Variants in FOXP1 observed in about 807,000 individuals in gnomAD.
FOXP1 encodes forkhead box P1.
FOXP1 carries 15 observed loss-of-function variants against 98.2 expected under a neutral mutation model. The ratio of observed to expected loss-of-function variants is 0.15; its 90% CI spans 0.10 to 0.24. FOXP1 has a LOEUF of 0.24. FOXP1 is among the 10% of genes least tolerant of loss of function. The pLI is 1.00. For missense variants in FOXP1, 633 were observed against 848.5 expected, an observed-to-expected ratio of 0.75 and a Z score of 3.15; for synonymous variants, 371 against 314.5, an observed-to-expected ratio of 1.18 and a Z score of -1.90.
intron 3 of FOXP1, among the ~76,000 whole-genome samples, chr3:71,390,034 T>C (rs1336009514): frequency 6.6e-6 from 1 of 152,184 alleles, no homozygotes; most frequent in Non-Finnish European, 1.5e-5. Flanking sequence ...CTATTTGCTT[T>C]CACACCCAAG....
At chr3:71,452,762 T>C (rs935542721) in intron 3 of FOXP1, among the ~76,000 whole-genome samples, 5 of 152,334 alleles carry the variant, frequency 3.3e-5, no homozygotes, top group Non-Finnish European at 5.9e-5. Context: ...CAAAATCAGC[T>C]GGTGTTCCCA....
At chr3:71,420,048 A>T (rs1328100971) in intron 3 of FOXP1, among the ~76,000 whole-genome samples, 1 of 151,836 alleles carries the variant, frequency 6.6e-6, no homozygotes, top group African/African-American at 2.4e-5. Context: ...AACTCCTGAG[A>T]TCTGCCCACC....
intron 6 of FOXP1, among the ~76,000 whole-genome samples, chr3:71,183,126 C>A (rs1266435850): frequency 6.6e-6 from 1 of 152,082 alleles, no homozygotes; most frequent in East Asian, 1.9e-4. Flanking sequence ...AATCTTTCTG[C>A]ATGCCTCACA....
chr3:71,067,731 T>TACACACAC (rs6147878), intron 7 of FOXP1, among the ~76,000 whole-genome samples: 13,190 of 126,464 alleles, frequency 0.1, 893 homozygotes, highest in East Asian at 0.26. Flanking sequence ...TCTCCAAAAA[T>TACACACAC]ACACACACAC....
At chr3:71,324,388 T>C (rs1193581826) in intron 4 of FOXP1, among the ~76,000 whole-genome samples, 1 of 152,164 alleles carries the variant, frequency 6.6e-6, no homozygotes, top group African/African-American at 2.4e-5. Flanking sequence ...AATGATAGAC[T>C]GGATTAAGAA....
At chr3:70,961,226 T>TTTTA (rs767939984) in intron 20 of FOXP1, among the ~76,000 whole-genome samples, 60 of 151,560 alleles carry the variant, frequency 4.0e-4, no homozygotes, top group Admixed American at 1.8e-3. Context: ...TCTCCAGCTA[T>TTTTA]TTTATTTATT....
chr3:71,140,707 A>G (rs1161864371), intron 6 of FOXP1, among the ~76,000 whole-genome samples: 1 of 152,214 alleles, frequency 6.6e-6, no homozygotes, highest in African/African-American at 2.4e-5. Context: ...ACAGCTTCTA[A>G]GTAGGTATCC....
At chr3:71,444,112 T>C (rs2086195019) in intron 3 of FOXP1, among the ~76,000 whole-genome samples, 1 of 152,194 alleles carries the variant, frequency 6.6e-6, no homozygotes, top group Admixed American at 6.5e-5. Context: ...TCAACGTCAA[T>C]TGGCACTGGT....
At chr3:71,506,387 C>T (rs2041822999) in intron 2 of FOXP1, among the ~76,000 whole-genome samples, 1 of 152,104 alleles carries the variant, frequency 6.6e-6, no homozygotes, top group Admixed American at 6.5e-5. Flanking sequence ...GGTAGTTTTA[C>T]ATCTCCTGTC....
intron 2 of FOXP1, among the ~76,000 whole-genome samples, chr3:71,511,229 G>A (rs970843134): frequency 2.6e-5 from 4 of 152,126 alleles, no homozygotes; most frequent in Admixed American, 6.6e-5. Flanking sequence ...GCAGAGCCCC[G>A]GGACCCTGCT....
chr3:71,384,618 C>T (rs567206908), intron 3 of FOXP1, among the ~76,000 whole-genome samples: 11 of 152,264 alleles, frequency 7.2e-5, no homozygotes, highest in South Asian at 4.1e-4. Context: ...GAAATGTGAA[C>T]GACATTCTGA....
intron 3 of FOXP1, among the ~76,000 whole-genome samples, chr3:71,415,987 G>C (rs190810527): frequency 2.2e-4 from 34 of 152,228 alleles, no homozygotes; most frequent in African/African-American, 7.7e-4. Flanking sequence ...TTTCGTCACA[G>C]GAATGATAGA....
At position 71,040,940 on chromosome 3, in the gene FOXP1, C is replaced by T. The variant is rs569054832; in HGVS notation, c.869+388G>A. On this transcript the variant is annotated intron_variant, in intron 11 of 20. Coordinates refer to ENST00000649528, the MANE Select transcript of FOXP1 (RefSeq NM_001349338.3). ...AACATAAGTTCTATGTTTTCTCAAACCATAATTCAAAATTGCCCACAGCAG... is the reference window on the plus strand; with the variant it reads ...AACATAAGTTCTATGTTTTCTCAAATCATAATTCAAAATTGCCCACAGCAG... 1.4e-4 allele frequency among the ~76,000 whole-genome samples: 21 copies of T among 152,242 alleles called. No homozygotes were observed. The South Asian group carries it at 3.7e-3, about 27-fold the overall frequency.
At chr3:71,242,143 G>C (rs1177413971) in intron 5 of FOXP1, among the ~76,000 whole-genome samples, 1 of 152,150 alleles carries the variant, frequency 6.6e-6, no homozygotes, top group Admixed American at 6.5e-5. Context: ...ACAATGCAGG[G>C]GTGACCTGTC....
chr3:71,417,323 G>T (rs1433804179), intron 3 of FOXP1, among the ~76,000 whole-genome samples: 13 of 152,140 alleles, frequency 8.5e-5, no homozygotes. Context: ...ATATTCCATG[G>T]TTATTGATTT....
intron 3 of FOXP1, among the ~76,000 whole-genome samples, chr3:71,368,731 C>A (rs1215479506): frequency 6.6e-6 from 1 of 152,164 alleles, no homozygotes; most frequent in Non-Finnish European, 1.5e-5. Flanking sequence ...GCCCATGTGA[C>A]TGATTTCTGC....
chr3:71,509,935 T>C (rs184844107), intron 2 of FOXP1, among the ~76,000 whole-genome samples: 3 of 151,930 alleles, frequency 2.0e-5, no homozygotes, highest in Non-Finnish European at 2.9e-5. Context: ...TCCCAGCACT[T>C]TGGGAGGCCA....
chr3:71,569,741 G>C (rs1039886172), intron 2 of FOXP1, among the ~76,000 whole-genome samples: 1 of 151,674 alleles, frequency 6.6e-6, no homozygotes, highest in Admixed American at 6.6e-5. Flanking sequence ...ATATCATTAC[G>C]ATCCTAATGG....
rs1361688272 is a variant in FOXP1 at position 71,005,330 on chromosome 3, A to AAAC, written c.975-4272_975-4271insGTT. 4.0e-5 allele frequency among the ~76,000 whole-genome samples: 6 copies of AAAC among 149,448 alleles called. 1 individual carries two copies. Among genetic ancestry groups the AAAC allele is most frequent in the African/African-American group, 1.2e-4 (5 of 41,004 alleles). ...TACCTGATTTAAAAAAAAAAAAAAAAAAAAAAAAAAACCAGAATCATAAGG... is the reference window on the plus strand; with the variant it reads ...TACCTGATTTAAAAAAAAAAAAAAAAAACAAAAAAAAAAACCAGAATCATAAGG... On this transcript the variant is annotated intron_variant, in intron 12 of 20. Coordinates refer to ENST00000649528, the MANE Select transcript of FOXP1 (RefSeq NM_001349338.3).
Sources: gnomAD v4.1 joint callset for allele counts (sites outside exome capture counted in the v4.1 genomes callset) on GRCh38, gnomAD v4.1.1 for gene constraint, MANE v1.5 for transcripts, NCBI Gene and HGNC (gene_info 2026-07-23, HGNC 2026-07-21) for gene names.